Variants in MCF2L2 observed in about 807,000 individuals in gnomAD.
The protein encoded by MCF2L2 is probable guanine nucleotide exchange factor MCF2L2.
MCF2L2 carries 102 observed loss-of-function variants against 150.2 expected under a neutral mutation model. That is an observed-to-expected ratio of 0.68 (90% CI 0.58 to 0.80). The LOEUF is 0.80. MCF2L2 is among the 30% of genes least tolerant of loss of function. The pLI, the probability that MCF2L2 is intolerant of heterozygous loss-of-function variation, is 0.00. For synonymous variants in MCF2L2, 465 were observed against 491.3 expected (o/e 0.95, Z 0.71); for missense variants, 1,256 against 1,372.8 (o/e 0.91, Z 1.34).
intron 10 of MCF2L2, among the ~76,000 whole-genome samples, chr3:183,301,945 A>G (rs1237116074): frequency 6.6e-6 from 1 of 152,184 alleles, no homozygotes; most frequent in Admixed American, 6.5e-5. Context: ...ATGATCCCTG[A>G]ACTGTTTGTG....
chr3:183,231,987 T>C (rs1432454964), intron 15 of MCF2L2, among the ~76,000 whole-genome samples: 1 of 152,130 alleles, frequency 6.6e-6, no homozygotes, highest in Admixed American at 6.5e-5. Context: ...AATCAAACAC[T>C]AATTTAGGGG....
chr3:183,282,050 A>G (rs559205667), intron 14 of MCF2L2, among the ~76,000 whole-genome samples: 2 of 151,906 alleles, frequency 1.3e-5, no homozygotes, highest in African/African-American at 2.4e-5. Context: ...TACAGGCATG[A>G]GCCACCACCC....
chr3:183,388,481 A>G (rs889943562), intron 2 of MCF2L2, among the ~76,000 whole-genome samples: 7 of 152,244 alleles, frequency 4.6e-5, no homozygotes, highest in South Asian at 2.1e-4. Flanking sequence ...ACAGGGGCCA[A>G]TGGTGCCTAA....
intron 15 of MCF2L2, among the ~76,000 whole-genome samples, chr3:183,256,459 G>C (rs1249163684): frequency 6.6e-6 from 1 of 152,112 alleles, no homozygotes; most frequent in Non-Finnish European, 1.5e-5. Context: ...ATAAAAAAGC[G>C]ATTTTTTAGA....
intron 3 of MCF2L2, among the ~76,000 whole-genome samples, chr3:183,342,640 GT>G (rs1730749628): frequency 7.8e-6 from 1 of 127,990 alleles, no homozygotes; most frequent in African/African-American, 4.6e-5. Flanking sequence ...GTGTGTGTGT[GT>G]GTGTGTGTGT....
chr3:183,383,483 C>T (rs1051122808), intron 2 of MCF2L2, among the ~76,000 whole-genome samples: 4 of 152,142 alleles, frequency 2.6e-5, no homozygotes, highest in African/African-American at 4.8e-5. Flanking sequence ...GATCCGCCCA[C>T]CTCGGCCTCC....
chr3:183,179,362 G>A lies in MCF2L2; in HGVS notation c.*18C>T, dbSNP rs2108624935. The A allele has an allele frequency of 7.0e-7, 1 of 1,434,124 alleles. No homozygotes were observed. Among genetic ancestry groups the A allele is most frequent in the Non-Finnish European group, 9.1e-7 (1 of 1,095,234 alleles). The allele number at this position is 1,434,124 out of a possible 1,614,324, so 88.8% of individuals were successfully genotyped here. The stretch of plus-strand genomic sequence containing the variant: ...GCGGGCGCTCTGGAGCCGAGGAGCG[G>A]GGGCGTCCGCAGGGAGGTCAGCTCT... On this transcript the variant is annotated 3_prime_UTR_variant, in exon 30 of 30. Coordinates refer to ENST00000328913, the MANE Select transcript of MCF2L2 (RefSeq NM_015078.4). This position sits in a 1 kb window ranked among gnomAD's most constrained non-coding sequence, Gnocchi z 4.2.
chr3:183,384,833 A>G (rs1713743295), intron 2 of MCF2L2, among the ~76,000 whole-genome samples: 1 of 152,112 alleles, frequency 6.6e-6, no homozygotes, highest in Non-Finnish European at 1.5e-5. Flanking sequence ...TACTCTTTGG[A>G]GTATATTCGT....
At chr3:183,251,954 C>T (rs1482090499) in intron 15 of MCF2L2, among the ~76,000 whole-genome samples, 1 of 150,512 alleles carries the variant, frequency 6.6e-6, no homozygotes, top group Non-Finnish European at 1.5e-5. Context: ...TATTTCCAAT[C>T]TCCAGACATA....
intron 1 of MCF2L2, among the ~76,000 whole-genome samples, chr3:183,423,918 G>A (rs564951957): frequency 2.4e-5 from 3 of 127,440 alleles, no homozygotes; most frequent in East Asian, 4.6e-4. Flanking sequence ...CACTGCGCCC[G>A]GCGACATGGC....
At chr3:183,404,841 C>T (rs1393993459) in intron 1 of MCF2L2, among the ~76,000 whole-genome samples, 2 of 151,658 alleles carry the variant, frequency 1.3e-5, no homozygotes, top group South Asian at 2.1e-4. Context: ...CTAGCCCAGG[C>T]GACAGTGCAA....
In MCF2L2 at chr3:183,389,846, A is replaced by G. The variant is rs1714042818; in HGVS notation, c.77-67T>C. The G allele has an allele frequency of 7.6e-6, 10 of 1,311,090 alleles. No individual in the cohort carries two copies. In the East Asian group the frequency reaches 2.1e-4, roughly 27 times the overall value. The allele number at this position is 1,311,090 out of a possible 1,614,324, so 81.2% of individuals were successfully genotyped here. ...AAATTACAAGAAGAAATTAAAAAGA[A>G]ACAAAGGCAAGTTGTACTATTGGGA... On this transcript the variant is annotated intron_variant, in intron 1 of 29. Transcript: ENST00000328913.
chr3:183,206,829 T>C (rs1722489644), intron 23 of MCF2L2, among the ~76,000 whole-genome samples: 1 of 151,130 alleles, frequency 6.6e-6, no homozygotes, highest in Admixed American at 6.6e-5. Context: ...GATCATGCCA[T>C]TGCACTCCAG....
At chr3:183,385,075 A>C (rs1471480416) in intron 2 of MCF2L2, among the ~76,000 whole-genome samples, 1 of 152,234 alleles carries the variant, frequency 6.6e-6, no homozygotes, top group East Asian at 1.9e-4. Context: ...TAAAACACAA[A>C]CTAGATTTCA....
intron 3 of MCF2L2, among the ~76,000 whole-genome samples, chr3:183,369,773 A>G (rs1712753424): frequency 6.6e-6 from 1 of 152,168 alleles, no homozygotes; most frequent in Admixed American, 6.6e-5. Context: ...TTAGTTGACA[A>G]TAGTAAATAA....
chr3:183,422,728 C>T (rs1715945822), intron 1 of MCF2L2, among the ~76,000 whole-genome samples: 1 of 152,190 alleles, frequency 6.6e-6, no homozygotes, highest in South Asian at 2.1e-4. Flanking sequence ...TAGACACTCA[C>T]TATTATTACC....
At chr3:183,287,061 G>A (rs778796395) in intron 14 of MCF2L2, among the ~76,000 whole-genome samples, 2 of 152,202 alleles carry the variant, frequency 1.3e-5, no homozygotes, top group Non-Finnish European at 2.9e-5. Context: ...GAAACCAAAA[G>A]TTGGGTGACT....
chr3:183,272,599 C>T, intron 15 of MCF2L2: 1 of 995,776 alleles, frequency 1.0e-6, no homozygotes. Context: ...GTCAAAACTA[C>T]AGTGTCAAAC....
chr3:183,224,355 A>C lies in MCF2L2; in HGVS notation c.2116-165T>G, dbSNP rs538355450. 5 of 571,674 alleles carry C rather than the reference A, an allele frequency of 8.7e-6. No homozygotes were observed. In the East Asian group the frequency reaches 1.1e-4, roughly 13 times the overall value. The allele number at this position is 571,674 out of a possible 1,614,324, so 35.4% of individuals were successfully genotyped here. A position where few individuals can be genotyped will look rare whatever the true frequency, so the allele number is the denominator to read the frequency against. Reference sequence around the variant, plus strand: ...ATGTTGGGATGTGTGTGTGATGGAGAGATAAACAGAAGGCTTTAAACAACC... The same window carrying C: ...ATGTTGGGATGTGTGTGTGATGGAGCGATAAACAGAAGGCTTTAAACAACC... On this transcript the variant is annotated intron_variant, in intron 18 of 29. Transcript: ENST00000328913.
Sources: gnomAD v4.1 joint callset for allele counts (sites outside exome capture counted in the v4.1 genomes callset) on GRCh38, gnomAD v4.1.1 for gene constraint, Gnocchi (gnomAD v3.1) non-coding constraint, MANE v1.5 for transcripts, NCBI Gene and HGNC (gene_info 2026-07-23, HGNC 2026-07-21) for gene names.